Variants in ASB7 observed in about 807,000 individuals in gnomAD.
ASB7 encodes ankyrin repeat and SOCS box protein 7.
A neutral mutation model predicts 32.5 loss-of-function variants in ASB7; 4 were observed. That is an observed-to-expected ratio of 0.12 (90% confidence interval 0.06 to 0.28). The LOEUF (loss-of-function observed/expected upper bound fraction) is 0.28, where lower values mean the gene tolerates loss of function less well. ASB7 is among the 10% of genes least tolerant of loss of function. ASB7 has a pLI of 1.00. For synonymous variants in ASB7, 172 were observed against 155.6 expected, an observed-to-expected ratio of 1.11 and a Z score of -0.78; for missense variants, 181 against 407.1, an observed-to-expected ratio of 0.44 and a Z score of 4.78.
intron 5 of ASB7, among the ~76,000 whole-genome samples, chr15:100,636,130 T>G (rs12905143): frequency 0.14 from 20,779 of 152,200 alleles, 2,267 homozygotes; most frequent in East Asian, 0.53. Flanking sequence ...ATTTCAGTTT[T>G]CCTACCAGTT....
At chr15:100,637,442 G>C (rs1001529921) in intron 5 of ASB7, among the ~76,000 whole-genome samples, 3 of 152,202 alleles carry the variant, frequency 2.0e-5, no homozygotes, top group African/African-American at 7.2e-5. Flanking sequence ...TCAATCAGTG[G>C]AGATATTAAC....
intron 4 of ASB7, among the ~76,000 whole-genome samples, chr15:100,628,247 C>T (rs1597006423): frequency 2.6e-5 from 4 of 152,312 alleles, no homozygotes; most frequent in Admixed American, 2.6e-4. Context: ...CACTGAAATA[C>T]TTTCCACAGT....
At chr15:100,642,307 G>C (rs2039967157) in intron 5 of ASB7, among the ~76,000 whole-genome samples, 1 of 152,180 alleles carries the variant, frequency 6.6e-6, no homozygotes, top group Non-Finnish European at 1.5e-5. Flanking sequence ...TCTTATCATA[G>C]ACAGTGAAGA....
chr15:100,641,862 T>C (rs2039963768), intron 5 of ASB7, among the ~76,000 whole-genome samples: 1 of 152,272 alleles, frequency 6.6e-6, no homozygotes, highest in Non-Finnish European at 1.5e-5. Context: ...ACTTGTTTAA[T>C]GCTTGTAAAG....
chr15:100,634,127 C>T (rs1017789465), intron 5 of ASB7, among the ~76,000 whole-genome samples: 2 of 152,208 alleles, frequency 1.3e-5, no homozygotes, highest in African/African-American at 4.8e-5. Flanking sequence ...AATAATACCA[C>T]CCATCCTGAA....
rs1033169490 is a variant in ASB7, at chr15:100,602,973, A to G, written c.-346A>G. 11 of 398,938 alleles carry G rather than the reference A, an allele frequency of 2.8e-5. No individual in the cohort carries two copies. The highest frequency in any genetic ancestry group is 4.9e-5 in the Non-Finnish European group (11 of 226,424). 24.7% of individuals were successfully genotyped at this position (398,938 alleles called of 1,614,324 possible). A position where few individuals can be genotyped will look rare whatever the true frequency, so the allele number is the denominator to read the frequency against. On this transcript the variant is annotated 5_prime_UTR_variant, in exon 1 of 6. Transcript: ENST00000332783. ...ACCAGGGTCCGGCCCTGCCTGGGGT[A>G]TTTCTTCAATGGAGAAGTTGGTGAG...
chr15:100,646,876 T>C (rs960181017), intron 5 of ASB7, among the ~76,000 whole-genome samples: 1 of 152,214 alleles, frequency 6.6e-6, no homozygotes, highest in African/African-American at 2.4e-5. Flanking sequence ...CCTTTTATCA[T>C]GAGTGTCAGT....
intron 5 of ASB7, among the ~76,000 whole-genome samples, chr15:100,630,952 T>C (rs532306228): frequency 6.6e-6 from 1 of 152,334 alleles, no homozygotes; most frequent in South Asian, 2.1e-4. Context: ...AGAGGACATA[T>C]TAACATCCTG....
intron 5 of ASB7, among the ~76,000 whole-genome samples, chr15:100,644,409 C>T (rs1367603871): frequency 6.6e-6 from 1 of 152,174 alleles, no homozygotes; most frequent in Non-Finnish European, 1.5e-5. Flanking sequence ...TTATTCTTTT[C>T]CTAAAGTAGC....
At chr15:100,626,376 G>A (rs2039837269) in intron 4 of ASB7, among the ~76,000 whole-genome samples, 1 of 152,110 alleles carries the variant, frequency 6.6e-6, no homozygotes, top group Non-Finnish European at 1.5e-5. Flanking sequence ...CTAGTTATTA[G>A]GGAAATAGAA....
chr15:100,615,982 A>G (rs2141391318), intron 4 of ASB7, among the ~76,000 whole-genome samples: 3 of 152,348 alleles, frequency 2.0e-5, no homozygotes, highest in Middle Eastern at 6.8e-3. Context: ...TTTCTTGACT[A>G]ACTCCTAGAA....
At chr15:100,617,459 T>G (rs768914492) in intron 4 of ASB7, among the ~76,000 whole-genome samples, 2 of 152,194 alleles carry the variant, frequency 1.3e-5, no homozygotes, top group African/African-American at 2.4e-5. Context: ...TGGGTCACGC[T>G]TCTGCTCTCT....
intron 4 of ASB7, among the ~76,000 whole-genome samples, chr15:100,628,798 G>A (rs2039861691): frequency 6.6e-6 from 1 of 152,174 alleles, no homozygotes; most frequent in Admixed American, 6.5e-5. Flanking sequence ...ATAATGCATT[G>A]CTTAATTCTT....
intron 4 of ASB7, among the ~76,000 whole-genome samples, chr15:100,621,124 A>G (rs2039788157): frequency 6.6e-6 from 1 of 152,248 alleles, no homozygotes; most frequent in Non-Finnish European, 1.5e-5. Context: ...GTACATTTGG[A>G]AAGCAGTTTA....
intron 4 of ASB7, among the ~76,000 whole-genome samples, chr15:100,619,657 G>A (rs1369849276): frequency 6.6e-6 from 1 of 152,176 alleles, no homozygotes; most frequent in African/African-American, 2.4e-5. Flanking sequence ...ATATATTGAT[G>A]GGTCAGATTT....
chr15:100,611,823 T>C (rs2039699288), intron 3 of ASB7, among the ~76,000 whole-genome samples: 1 of 149,000 alleles, frequency 6.7e-6, no homozygotes, highest in Non-Finnish European at 1.5e-5. Flanking sequence ...TTGCTACTTT[T>C]TTTTTTTTTT....
chr15:100,627,663 T>C (rs1252253538), intron 4 of ASB7, among the ~76,000 whole-genome samples: 1 of 152,204 alleles, frequency 6.6e-6, no homozygotes, highest in Non-Finnish European at 1.5e-5. Flanking sequence ...TGTAACATAA[T>C]TTTAATTTTA....
At chr15:100,613,651 G>A (rs1377858135) in intron 4 of ASB7, among the ~76,000 whole-genome samples, 1 of 152,188 alleles carries the variant, frequency 6.6e-6, no homozygotes, top group Admixed American at 6.5e-5. Context: ...AAGTCAGAAC[G>A]GTTAAAATTC....
intron 5 of ASB7, chr15:100,645,898 A>G (rs905901924): frequency 1.4e-6 from 1 of 718,030 alleles, no homozygotes; most frequent in East Asian, 2.9e-5. Context: ...CACTGAGGAG[A>G]TTGCTTCCTT....
Sources: allele counts gnomAD v4.1 joint callset (sites outside exome capture counted in the v4.1 genomes callset), GRCh38; gene constraint gnomAD v4.1.1; transcripts MANE v1.5; gene names NCBI Gene and HGNC (gene_info 2026-07-23, HGNC 2026-07-21).